The following EHBP1 variants were observed in gnomAD, a reference collection of about 807,000 sequenced individuals.
EHBP1 encodes the protein EH domain binding protein 1.
In EHBP1, 55 loss-of-function variants were observed where a neutral mutation model predicts 144.0. The ratio of observed to expected loss-of-function variants is 0.38; its 90% CI spans 0.31 to 0.48. The LOEUF (loss-of-function observed/expected upper bound fraction) is 0.48. Among genes scored for constraint, EHBP1 ranks in the 20% least tolerant of loss-of-function variants. The pLI is 0.98. For missense variants in EHBP1, 1,200 were observed against 1,364.2 expected (o/e 0.88, Z 1.90); for synonymous variants, 469 against 472.7 (o/e 0.99, Z 0.10).
At chr2:62,740,100 G>A (rs538134828) in intron 2 of EHBP1, among the ~76,000 whole-genome samples, 4 of 151,830 alleles carry the variant, frequency 2.6e-5, no homozygotes, top group South Asian at 4.2e-4. Context: ...CTAAATACTG[G>A]CATATAGATA....
At position 63,045,476 on chromosome 2, in the gene EHBP1, AGAG is replaced by A; in HGVS notation, c.3463_3465del (p.Glu1155del). ...AAAACAAAGGCAAGATGGCCAAGAAAGAGGAGAAATGTGTTCTTCAGTAGCCAT... is the reference window on the plus strand; with the variant it reads ...AAAACAAAGGCAAGATGGCCAAGAAAGAGAAATGTGTTCTTCAGTAGCCAT... On this transcript the variant is annotated inframe_deletion, in exon 23 of 23. Coordinates refer to ENST00000431489, the MANE Select transcript of EHBP1 (RefSeq NM_001142616.3). The surrounding 1 kb of genome is among the most constrained non-coding windows in gnomAD (Gnocchi z 5.7). 6.2e-7 allele frequency: 1 copy of A among 1,614,134 alleles called. No individual in the cohort carries two copies. The highest frequency in any genetic ancestry group is 8.5e-7 in the Non-Finnish European group (1 of 1,179,968).
intron 7 of EHBP1, chr2:62,858,337 G>C (rs536943398): frequency 1.0e-6 from 1 of 995,636 alleles, no homozygotes; most frequent in African/African-American, 1.6e-5. Flanking sequence ...TTGGGTAACA[G>C]CATGCTCCTA....
intron 14 of EHBP1, among the ~76,000 whole-genome samples, chr2:62,959,764 A>G (rs2057905742): frequency 6.6e-6 from 1 of 152,124 alleles, no homozygotes. Flanking sequence ...CTAATGAGTT[A>G]TAGGAGTTCT....
chr2:62,987,162 C>T (rs1329483263), intron 15 of EHBP1, among the ~76,000 whole-genome samples: 4 of 152,088 alleles, frequency 2.6e-5, no homozygotes, highest in Admixed American at 6.6e-5. Context: ...ATTACTGTAA[C>T]AATTTTATCA....
rs543826712 is a variant in EHBP1, at chr2:62,924,617, A to T, written c.1186-18101A>T. Among the ~76,000 whole-genome samples the T allele has an allele frequency of 7.9e-5, 12 of 152,326 alleles. No homozygotes were observed. The South Asian group carries it at 2.3e-3, about 29-fold the overall frequency. The stretch of plus-strand genomic sequence containing the variant: ...ATTTGAAAACCTAGAGGAAATGGAT[A>T]AATTCCTGGACACATATCTACCAAG... On this transcript the variant is annotated intron_variant, in intron 10 of 22. Transcript: ENST00000431489.
intron 10 of EHBP1, among the ~76,000 whole-genome samples, chr2:62,929,289 G>T (rs890308427): frequency 6.6e-6 from 1 of 152,084 alleles, no homozygotes; most frequent in Non-Finnish European, 1.5e-5. Flanking sequence ...AAACAAAACT[G>T]CAGACTAATA....
At chr2:62,732,372 A>G (rs2037688306) in intron 2 of EHBP1, among the ~76,000 whole-genome samples, 1 of 151,832 alleles carries the variant, frequency 6.6e-6, no homozygotes, top group Non-Finnish European at 1.5e-5. Flanking sequence ...CATTATGTGT[A>G]TTTATGTCTG....
At chr2:62,841,426 C>T (rs1330392652) in intron 7 of EHBP1, among the ~76,000 whole-genome samples, 2 of 151,628 alleles carry the variant, frequency 1.3e-5, no homozygotes, top group African/African-American at 2.4e-5. Context: ...ACCAGCATGG[C>T]ACATGTATAC....
chr2:62,948,451 C>T lies in EHBP1; in HGVS notation c.1605C>T (p.Asn535=), dbSNP rs1222282038. The change falls in exon 13 of 23, where the codon AAC becomes AAT. Residue 535 remains asparagine, a synonymous_variant. Coordinates refer to ENST00000431489, the MANE Select transcript of EHBP1 (RefSeq NM_001142616.3). ...NSSKSTYKVG[N]YETDTNSSVD... ...GTAAAAGCACATATAAAGTTGGAAA[C>T]TATGAAACAGATACAAACAGTTCTG... 6 of 1,613,374 alleles carry T rather than the reference C, an allele frequency of 3.7e-6. No homozygotes were observed. Among genetic ancestry groups the T allele is most frequent in the Non-Finnish European group, 5.1e-6 (6 of 1,179,594 alleles).
intron 3 of EHBP1, among the ~76,000 whole-genome samples, chr2:62,753,672 C>A (rs773919598): frequency 2.0e-5 from 3 of 152,138 alleles, no homozygotes; most frequent in Admixed American, 6.5e-5. Context: ...TTCACATAGT[C>A]CCGTATTTGT....
chr2:62,800,986 A>G (rs760107276), intron 5 of EHBP1, among the ~76,000 whole-genome samples: 7 of 152,244 alleles, frequency 4.6e-5, no homozygotes, highest in Non-Finnish European at 1.0e-4. Flanking sequence ...AGGACTATTA[A>G]GGAATCAACC....
intron 1 of EHBP1, among the ~76,000 whole-genome samples, chr2:62,698,581 A>G (rs1027475496): frequency 6.6e-6 from 1 of 152,234 alleles, no homozygotes; most frequent in Admixed American, 6.5e-5. Flanking sequence ...AAAGAGATCA[A>G]TGATGCATTA....
intron 19 of EHBP1, among the ~76,000 whole-genome samples, chr2:63,020,966 C>A (rs192865564): frequency 1.5e-4 from 22 of 149,618 alleles, no homozygotes; most frequent in African/African-American, 4.9e-4. Flanking sequence ...GTATGAGCCA[C>A]CGTGCCTGGC....
chr2:62,845,358 A>T (rs1205983418), intron 7 of EHBP1, among the ~76,000 whole-genome samples: 1 of 152,158 alleles, frequency 6.6e-6, no homozygotes, highest in East Asian at 1.9e-4. Flanking sequence ...TAGTTGATAA[A>T]GTTAATTTGG....
chr2:63,014,547 T>G (rs1236039659), intron 19 of EHBP1, among the ~76,000 whole-genome samples: 1 of 152,218 alleles, frequency 6.6e-6, no homozygotes. Flanking sequence ...AGGAACATAT[T>G]TTTCACAATC....
intron 7 of EHBP1, among the ~76,000 whole-genome samples, chr2:62,853,123 T>C (rs1301460262): frequency 2.6e-5 from 4 of 152,190 alleles, no homozygotes; most frequent in Admixed American, 1.3e-4. Context: ...ATAACATACC[T>C]CTGACAGCCT....
intron 7 of EHBP1, among the ~76,000 whole-genome samples, chr2:62,851,107 G>C (rs1200353306): frequency 6.6e-6 from 1 of 152,104 alleles, no homozygotes; most frequent in Non-Finnish European, 1.5e-5. Context: ...TATTTATTGA[G>C]TGCCTTCCCT....
chr2:62,950,708 A>G (rs1467061593), intron 13 of EHBP1, among the ~76,000 whole-genome samples: 2 of 151,934 alleles, frequency 1.3e-5, no homozygotes, highest in African/African-American at 2.4e-5. Context: ...TTTTTGAAAC[A>G]GAGTTTCACT....
chr2:62,842,201 C>T (rs192616558), intron 7 of EHBP1, among the ~76,000 whole-genome samples: 160 of 152,238 alleles, frequency 1.1e-3, no homozygotes, highest in African/African-American at 3.6e-3. Context: ...ATTCTCCTGC[C>T]TCAGCCTCCC....
Sources: gnomAD v4.1 joint callset for allele counts (sites outside exome capture counted in the v4.1 genomes callset) on GRCh38, gnomAD v4.1.1 for gene constraint, Gnocchi (gnomAD v3.1) non-coding constraint, MANE v1.5 for transcripts, NCBI Gene and HGNC (gene_info 2026-07-23, HGNC 2026-07-21) for gene names.